Variants in CSMD1 observed in about 807,000 individuals in gnomAD.
CSMD1 encodes the protein CUB and sushi domain-containing protein 1.
A neutral mutation model predicts 417.5 loss-of-function variants in CSMD1; 213 were observed. That is an observed-to-expected ratio of 0.51 (90% CI 0.46 to 0.57). The LOEUF (loss-of-function observed/expected upper bound fraction) is 0.57. CSMD1 is among the 20% of genes least tolerant of loss of function. The pLI, the probability that CSMD1 is intolerant of heterozygous loss-of-function variation, is 0.00. For synonymous variants in CSMD1, 2,862 were observed against 1,736.8 expected, an observed-to-expected ratio of 1.65 and a Z score of -16.11; for missense variants, 6,923 against 4,529.7, an observed-to-expected ratio of 1.53 and a Z score of -15.17.
chr8:4,141,702 G>C (rs571323440), intron 3 of CSMD1, among the ~76,000 whole-genome samples: 1 of 151,048 alleles, frequency 6.6e-6, no homozygotes, highest in Non-Finnish European at 1.5e-5. Context: ...TGGAGAGCAG[G>C]CAATTCTGAT....
intron 5 of CSMD1, among the ~76,000 whole-genome samples, chr8:3,939,127 A>C (rs1399966702): frequency 1.3e-5 from 2 of 152,096 alleles, no homozygotes; most frequent in Non-Finnish European, 2.9e-5. Flanking sequence ...TTACAGAAAA[A>C]CTGTTCTTGC....
intron 1 of CSMD1, among the ~76,000 whole-genome samples, chr8:4,900,430 G>T (rs558432769): frequency 6.6e-6 from 1 of 152,222 alleles, no homozygotes; most frequent in South Asian, 2.1e-4. Context: ...TTCTGGAGAT[G>T]CAGCCTCCTA....
At chr8:4,474,892 T>C (rs1297596510) in intron 2 of CSMD1, among the ~76,000 whole-genome samples, 1 of 152,220 alleles carries the variant, frequency 6.6e-6, no homozygotes, top group Non-Finnish European at 1.5e-5. Flanking sequence ...TCTAGCTTAC[T>C]TTCTTGTAAG....
chr8:3,763,222 C>T (rs374848174), intron 5 of CSMD1, among the ~76,000 whole-genome samples: 7 of 152,178 alleles, frequency 4.6e-5, no homozygotes, highest in African/African-American at 1.7e-4. Flanking sequence ...CTATATGAAA[C>T]CCTCGATGTT....
At chr8:4,216,987 G>C (rs1354863688) in intron 3 of CSMD1, among the ~76,000 whole-genome samples, 3 of 152,214 alleles carry the variant, frequency 2.0e-5, no homozygotes, top group Middle Eastern at 3.4e-3. Context: ...CCACGGTTAA[G>C]ACTTCTCTAA....
intron 5 of CSMD1, among the ~76,000 whole-genome samples, chr8:3,838,702 TATATAGTATAATATATAATAAATTAA>T (rs1802877345): frequency 1.3e-5 from 1 of 79,530 alleles, no homozygotes; most frequent in Non-Finnish European, 2.1e-5. Context: ...TAATAAATAT[TATATAGTATAATATATAATAAATTAA>T]TATTATATAG....
chr8:3,237,232 C>T (rs769160171), intron 26 of CSMD1, among the ~76,000 whole-genome samples: 14 of 132,966 alleles, frequency 1.1e-4, no homozygotes, highest in Non-Finnish European at 1.7e-5. Flanking sequence ...CTTTGGGAGG[C>T]CGAGGCGAGT....
chr8:3,952,409 G>C (rs1049549107), intron 5 of CSMD1, among the ~76,000 whole-genome samples: 1 of 152,214 alleles, frequency 6.6e-6, no homozygotes, highest in Non-Finnish European at 1.5e-5. Flanking sequence ...TTAAAAATAT[G>C]TATGTTGATA....
chr8:4,113,486 C>A (rs112623336), intron 3 of CSMD1, among the ~76,000 whole-genome samples: 1 of 145,286 alleles, frequency 6.9e-6, no homozygotes, highest in Non-Finnish European at 1.5e-5. Flanking sequence ...CTCACTGCAA[C>A]CTCTGCCTCC....
intron 2 of CSMD1, among the ~76,000 whole-genome samples, chr8:4,523,193 C>T (rs1344899963): frequency 1.3e-5 from 2 of 152,090 alleles, no homozygotes; most frequent in Non-Finnish European, 2.9e-5. Flanking sequence ...AAAATAGGTC[C>T]TTAATACTTG....
At chr8:4,562,358 A>C (rs1452880410) in intron 2 of CSMD1, among the ~76,000 whole-genome samples, 2 of 152,200 alleles carry the variant, frequency 1.3e-5, no homozygotes, top group Non-Finnish European at 2.9e-5. Context: ...GAAGTGGCAC[A>C]CCAGAGCCCA....
intron 1 of CSMD1, among the ~76,000 whole-genome samples, chr8:4,949,405 A>G (rs954167074): frequency 6.6e-6 from 1 of 152,198 alleles, no homozygotes; most frequent in African/African-American, 2.4e-5. Context: ...ACATGTGGTG[A>G]AACTTTCCTG....
At chr8:3,713,916 C>T (rs1346153243) in intron 6 of CSMD1, among the ~76,000 whole-genome samples, 2 of 151,884 alleles carry the variant, frequency 1.3e-5, no homozygotes, top group Non-Finnish European at 2.9e-5. Flanking sequence ...AATGCCTCTT[C>T]CAGGCAAAAA....
chr8:4,969,752 T>C (rs939992025), intron 1 of CSMD1, among the ~76,000 whole-genome samples: 4 of 152,072 alleles, frequency 2.6e-5, no homozygotes, highest in African/African-American at 9.7e-5. Flanking sequence ...TCCACTGTTT[T>C]GATTTCCTGA....
chr8:3,704,546 A>T (rs1228077626), intron 7 of CSMD1, among the ~76,000 whole-genome samples: 1 of 152,180 alleles, frequency 6.6e-6, no homozygotes, highest in African/African-American at 2.4e-5. Context: ...AGATAAGAGG[A>T]GTTTCTCATA....
At chr8:3,939,263 T>G (rs1383511089) in intron 5 of CSMD1, among the ~76,000 whole-genome samples, 3 of 152,114 alleles carry the variant, frequency 2.0e-5, no homozygotes, top group Non-Finnish European at 4.4e-5. Flanking sequence ...AAAAAAATGC[T>G]CAACATCATT....
intron 5 of CSMD1, among the ~76,000 whole-genome samples, chr8:3,901,328 C>G (rs970483220): frequency 6.6e-6 from 1 of 152,168 alleles, no homozygotes; most frequent in Non-Finnish European, 1.5e-5. Flanking sequence ...CTAGCTTCAA[C>G]CCAATCTCCA....
intron 1 of CSMD1, among the ~76,000 whole-genome samples, chr8:4,750,597 T>A (rs1019128167): frequency 6.6e-6 from 1 of 152,118 alleles, no homozygotes. Flanking sequence ...GAGTGGTTCG[T>A]GATCCAGCAA....
At chr8:3,553,377 C>T (rs114716916) in intron 10 of CSMD1, among the ~76,000 whole-genome samples, 496 of 152,244 alleles carry the variant, frequency 3.3e-3, no homozygotes, top group African/African-American at 0.011. Context: ...TAAATTGTTT[C>T]ATGAAACAGA....
Sources: allele counts gnomAD v4.1 joint callset (sites outside exome capture counted in the v4.1 genomes callset), GRCh38; gene constraint gnomAD v4.1.1; transcripts MANE v1.5; gene names NCBI Gene and HGNC (gene_info 2026-07-23, HGNC 2026-07-21).